Variants in PAH observed in about 807,000 individuals in gnomAD.
PAH encodes phenylalanine hydroxylase.
PAH carries 64 observed loss-of-function variants against 62.0 expected under a neutral mutation model. The ratio of observed to expected loss-of-function variants is 1.03; its 90% CI spans 0.84 to 1.27. The LOEUF (loss-of-function observed/expected upper bound fraction) is 1.27. Among genes scored for constraint, PAH ranks in the 50% most tolerant of loss-of-function variants. PAH has a pLI of 0.00. For missense variants in PAH, 579 were observed against 542.8 expected (o/e 1.07, Z -0.66); for synonymous variants, 195 against 196.2 (o/e 0.99, Z 0.05).
At chr12:102,845,281 A>G (rs1874785655) in intron 9 of PAH, among the ~76,000 whole-genome samples, 1 of 152,006 alleles carries the variant, frequency 6.6e-6, no homozygotes, top group African/African-American at 2.4e-5. Flanking sequence ...GCTCCCAACA[A>G]TATGTTCTCC....
intron 8 of PAH, among the ~76,000 whole-genome samples, chr12:102,848,798 C>T (rs541971867): frequency 2.6e-5 from 4 of 151,312 alleles, no homozygotes; most frequent in Non-Finnish European, 4.4e-5. Context: ...AAACAGGACA[C>T]CAGGAGACTG....
At chr12:102,859,674 C>T (rs1454564350) in intron 5 of PAH, among the ~76,000 whole-genome samples, 1 of 152,130 alleles carries the variant, frequency 6.6e-6, no homozygotes, top group Non-Finnish European at 1.5e-5. Flanking sequence ...TCAACATACA[C>T]AAATCAATAA....
intron 1 of PAH, among the ~76,000 whole-genome samples, chr12:102,943,467 G>A (rs1879369124): frequency 6.6e-6 from 1 of 152,146 alleles, no homozygotes; most frequent in African/African-American, 2.4e-5. Flanking sequence ...ATACACTGCT[G>A]GTGGGAAAGT....
intron 1 of PAH, among the ~76,000 whole-genome samples, chr12:102,929,471 A>G (rs961522200): frequency 3.9e-5 from 6 of 152,180 alleles, no homozygotes; most frequent in African/African-American, 1.2e-4. Context: ...TGCAGAAACA[A>G]TGGGGAACTT....
At chr12:102,895,869 A>AAATATATATATATAT (rs953209518) in intron 2 of PAH, among the ~76,000 whole-genome samples, 1 of 118,744 alleles carries the variant, frequency 8.4e-6, no homozygotes, top group African/African-American at 3.6e-5. Flanking sequence ...AAAAAAAAAA[A>AAATATATATATATAT]ATATATATAT....
At chr12:102,869,376 A>C (rs989711521) in intron 4 of PAH, among the ~76,000 whole-genome samples, 1 of 152,228 alleles carries the variant, frequency 6.6e-6, no homozygotes, top group Admixed American at 6.5e-5. Flanking sequence ...AAAGAAATAC[A>C]CCAAACTCTA....
chr12:102,866,486 G>A (rs943275759), intron 5 of PAH, 110 bp downstream of exon 5: 21 of 839,508 alleles, frequency 2.5e-5, no homozygotes, highest in African/African-American at 1.0e-4. Context: ...CACACAGAAG[G>A]CAGGACTCTT....
intron 5 of PAH, among the ~76,000 whole-genome samples, chr12:102,859,490 C>T (rs2136654921): frequency 6.6e-6 from 1 of 152,318 alleles, no homozygotes; most frequent in South Asian, 2.1e-4. Context: ...CAGCATCATC[C>T]TGATACCAAA....
At chr12:102,889,410 GATA>G (rs1565864265) in intron 3 of PAH, among the ~76,000 whole-genome samples, 1 of 107,302 alleles carries the variant, frequency 9.3e-6, no homozygotes, top group African/African-American at 3.7e-5. Context: ...AACATAGATA[GATA>G]GATAGATAGA....
intron 1 of PAH, among the ~76,000 whole-genome samples, chr12:102,956,445 C>G (rs898190204): frequency 5.3e-5 from 8 of 152,170 alleles, no homozygotes; most frequent in Admixed American, 5.2e-4. Context: ...GCGCCTCCCC[C>G]TCCCTCTCGG....
upstream of PAH, among the ~76,000 whole-genome samples, chr12:102,954,131 G>A (rs909220257): frequency 1.3e-5 from 2 of 152,362 alleles, no homozygotes; most frequent in African/African-American, 2.4e-5. Flanking sequence ...GCAGGGCCCA[G>A]TGGCTCTGCT....
intron 3 of PAH, among the ~76,000 whole-genome samples, chr12:102,884,154 C>T (rs1271012871): frequency 2.0e-5 from 3 of 152,102 alleles, no homozygotes; most frequent in Admixed American, 6.5e-5. Flanking sequence ...GCCTATTTGT[C>T]TTCTAGGGTA....
chr12:102,917,774 C>A (rs1162260110), upstream of PAH, among the ~76,000 whole-genome samples: 1 of 152,182 alleles, frequency 6.6e-6, no homozygotes, highest in Admixed American at 6.5e-5. Context: ...GGTTTAAATC[C>A]AGCCTGGTGT....
intron 5 of PAH, among the ~76,000 whole-genome samples, chr12:102,857,791 A>G (rs1415158668): frequency 3.9e-5 from 6 of 152,174 alleles, no homozygotes; most frequent in African/African-American, 1.4e-4. Flanking sequence ...TTTTGTCACC[A>G]CCATGCCTGC....
chr12:102,872,040 T>C (rs189577435), intron 4 of PAH, among the ~76,000 whole-genome samples: 13 of 150,184 alleles, frequency 8.7e-5, no homozygotes, highest in Non-Finnish European at 1.6e-4. Flanking sequence ...TCATATGAGA[T>C]CATTGTCTCA....
chr12:102,925,521 A>G (rs910799709), intron 1 of PAH, among the ~76,000 whole-genome samples: 1 of 152,132 alleles, frequency 6.6e-6, no homozygotes. Context: ...AGAGACACGG[A>G]TTGATATTTA....
At chr12:102,895,854 C>CAAAAAAAAA (rs780516168) in intron 2 of PAH, among the ~76,000 whole-genome samples, 1 of 105,038 alleles carries the variant, frequency 9.5e-6, no homozygotes, top group African/African-American at 3.4e-5. Flanking sequence ...GACTCTGTCT[C>CAAAAAAAAA]AAAAAAAAAA....
intron 1 of PAH, among the ~76,000 whole-genome samples, chr12:102,942,562 C>T (rs1879332957): frequency 1.3e-5 from 2 of 151,854 alleles, no homozygotes; most frequent in African/African-American, 4.8e-5. Context: ...TAAGAAGATA[C>T]CATTCTAAAA....
chr12:102,913,904 G>A (rs897474950), intron 1 of PAH: 4 of 699,026 alleles, frequency 5.7e-6, no homozygotes, highest in Non-Finnish European at 1.0e-5. Flanking sequence ...AATTCTATGT[G>A]TGTCCACAAT....
Sources: allele counts gnomAD v4.1 joint callset (sites outside exome capture counted in the v4.1 genomes callset), GRCh38; gene constraint gnomAD v4.1.1; transcripts MANE v1.5; gene names NCBI Gene and HGNC (gene_info 2026-07-23, HGNC 2026-07-21).